The following DACH2 variants were observed in gnomAD, a reference collection of about 807,000 sequenced individuals.
The protein encoded by DACH2 is dachshund homolog 2.
In DACH2, 17 loss-of-function variants were observed where a neutral mutation model predicts 35.8. That is an observed-to-expected ratio of 0.48 (90% confidence interval 0.33 to 0.71). The LOEUF (loss-of-function observed/expected upper bound fraction) is 0.71, where lower values mean the gene tolerates loss of function less well. Ranked by LOEUF, DACH2 falls within the 30% of genes least tolerant of loss-of-function variation. The pLI, the probability that DACH2 is intolerant of heterozygous loss-of-function variation, is 0.02. For missense variants in DACH2, 469 were observed against 472.7 expected (o/e 0.99, Z 0.07); for synonymous variants, 195 against 177.3 (o/e 1.10, Z -0.79).
At chrX:86,281,802 G>T (rs1301380264) in intron 1 of DACH2, among the ~76,000 whole-genome samples, 2 of 112,184 alleles carry the variant, frequency 1.8e-5, no homozygotes, top group Non-Finnish European at 3.8e-5. Context: ...CTTCAGCAAA[G>T]TCTCAGGATA....
At chrX:86,519,231 T>A (rs1162703437) in intron 3 of DACH2, among the ~76,000 whole-genome samples, 5 of 112,434 alleles carry the variant, frequency 4.4e-5, no homozygotes, top group African/African-American at 1.6e-4. Flanking sequence ...CAACCTTACA[T>A]CCTGAGGATG....
At chrX:86,572,768 G>A (rs2039387849) in intron 3 of DACH2, among the ~76,000 whole-genome samples, 3 of 111,085 alleles carry the variant, frequency 2.7e-5, no homozygotes, top group Non-Finnish European at 3.8e-5. Flanking sequence ...TCATTTCTCC[G>A]TTTGATTCAG....
At position 86,707,967 on chromosome X, in the gene DACH2, T is replaced by C. The variant is rs952362032; in HGVS notation, c.932-6581T>C. ...GACCAAGTGGAATTTATTCCAAGTA[T>C]GCAACGGTAGCTCAACATTGGAAAA... On this transcript the variant is annotated intron_variant, in intron 5 of 11. Coordinates refer to ENST00000373125, the MANE Select transcript of DACH2 (RefSeq NM_053281.3). Among the ~76,000 whole-genome samples the C allele has an allele frequency of 1.9e-4, 19 of 99,269 alleles. 1 individual carries two copies. Among genetic ancestry groups the C allele is most frequent in the South Asian group, 1.8e-3 (4 of 2,215 alleles). 86.2% of individuals were successfully genotyped at this position (99,269 alleles called of 115,157 possible). A position where few individuals can be genotyped will look rare whatever the true frequency, so the allele number is the denominator to read the frequency against.
chrX:86,626,821 G>A (rs1452830415), intron 3 of DACH2, among the ~76,000 whole-genome samples: 3 of 112,705 alleles, frequency 2.7e-5, no homozygotes, highest in Non-Finnish European at 5.6e-5. Context: ...CACAAAGCAG[G>A]AAGGCCCTGG....
At chrX:86,407,678 A>G (rs1358466061) in intron 2 of DACH2, among the ~76,000 whole-genome samples, 7 of 112,410 alleles carry the variant, frequency 6.2e-5, no homozygotes, top group Non-Finnish European at 3.8e-5. Context: ...TCAGTGATGC[A>G]GATTTTTTTA....
chrX:86,753,824 A>G (rs760008964), intron 7 of DACH2, among the ~76,000 whole-genome samples: 29 of 110,784 alleles, frequency 2.6e-4, no homozygotes, highest in African/African-American at 7.9e-4. Context: ...TCCTGTCTAT[A>G]TTAATGGGAG....
intron 1 of DACH2, among the ~76,000 whole-genome samples, chrX:86,239,562 A>G (rs1184003627): frequency 6.3e-5 from 7 of 111,924 alleles, no homozygotes; most frequent in Non-Finnish European, 1.3e-4. Flanking sequence ...ATAGTATGCC[A>G]TTGTATGAAT....
intron 1 of DACH2, among the ~76,000 whole-genome samples, chrX:86,251,545 C>T (rs1008625959): frequency 9.0e-6 from 1 of 111,314 alleles, no homozygotes; most frequent in Non-Finnish European, 1.9e-5. Flanking sequence ...TATGCCTTTG[C>T]ATCTTCATAG....
chrX:86,574,323 T>C (rs1172759380), intron 3 of DACH2, among the ~76,000 whole-genome samples: 1 of 111,436 alleles, frequency 9.0e-6, no homozygotes, highest in East Asian at 2.8e-4. Flanking sequence ...TCGGTTGACC[T>C]AATTTTTACC....
chrX:86,211,003 G>A, intron 1 of DACH2, among the ~76,000 whole-genome samples: 1 of 111,593 alleles, frequency 9.0e-6, no homozygotes, highest in Non-Finnish European at 1.9e-5. Context: ...CATTTGATGA[G>A]CTGATAACAC....
intron 3 of DACH2, among the ~76,000 whole-genome samples, chrX:86,578,460 C>A (rs2039462333): frequency 1.8e-5 from 2 of 111,220 alleles, no homozygotes; most frequent in Admixed American, 1.9e-4. Flanking sequence ...ACTCAGATTT[C>A]CTTGGTTATT....
At chrX:86,341,502 C>T (rs774280230) in intron 1 of DACH2, among the ~76,000 whole-genome samples, 10 of 112,038 alleles carry the variant, frequency 8.9e-5, no homozygotes, top group Non-Finnish European at 1.7e-4. Flanking sequence ...ATCTGGTCAC[C>T]CAAGAGCCGT....
At chrX:86,514,110 C>T (rs764936634) in intron 2 of DACH2, among the ~76,000 whole-genome samples, 169 bp from the exon 3 acceptor site, 5 of 111,746 alleles carry the variant, frequency 4.5e-5, no homozygotes, top group East Asian at 2.8e-4. Context: ...GAAAATTTAG[C>T]GGAAAGTAAA....
intron 1 of DACH2, among the ~76,000 whole-genome samples, chrX:86,159,148 C>T (rs1228801358): frequency 1.8e-5 from 2 of 111,065 alleles, no homozygotes; most frequent in East Asian, 5.7e-4. Context: ...TGTTAAAAAG[C>T]TTGCTTTGAT....
chrX:86,500,303 G>A (rs920808022), intron 2 of DACH2, among the ~76,000 whole-genome samples: 9 of 111,340 alleles, frequency 8.1e-5, no homozygotes, highest in African/African-American at 2.6e-4. Context: ...CTTAATCAGT[G>A]CATTTCAGGG....
chrX:86,430,170 T>C (rs906549744), intron 2 of DACH2, among the ~76,000 whole-genome samples: 5 of 112,210 alleles, frequency 4.5e-5, no homozygotes, highest in African/African-American at 1.6e-4. Flanking sequence ...CTTTGTAATA[T>C]ACTTTATAGC....
At chrX:86,223,128 T>G (rs2032751003) in intron 1 of DACH2, among the ~76,000 whole-genome samples, 1 of 111,809 alleles carries the variant, frequency 8.9e-6, no homozygotes, top group African/African-American at 3.2e-5. Flanking sequence ...ATGGCTATAA[T>G]GTAAGTCATG....
chrX:86,573,332 G>A (rs2039396421), intron 3 of DACH2, among the ~76,000 whole-genome samples: 1 of 111,416 alleles, frequency 9.0e-6, no homozygotes, highest in South Asian at 3.7e-4. Flanking sequence ...AAGAGACCTG[G>A]ATCTGACTCA....
intron 1 of DACH2, among the ~76,000 whole-genome samples, chrX:86,278,278 G>A (rs988395102): frequency 8.9e-6 from 1 of 111,811 alleles, no homozygotes; most frequent in Non-Finnish European, 1.9e-5. Context: ...AGTACACATC[G>A]CATAACCAAT....
Sources: allele counts gnomAD v4.1 joint callset (sites outside exome capture counted in the v4.1 genomes callset), GRCh38; gene constraint gnomAD v4.1.1; transcripts MANE v1.5; gene names NCBI Gene and HGNC (gene_info 2026-07-23, HGNC 2026-07-21).